ACADS: variants seen among roughly 807,000 people sequenced by gnomAD.
ACADS encodes the protein acyl-CoA dehydrogenase short chain.
In ACADS, 28 loss-of-function variants were observed where a neutral mutation model predicts 46.8. That is an observed-to-expected ratio of 0.60 (90% CI 0.44 to 0.82). The LOEUF is 0.82. Among genes scored for constraint, ACADS ranks in the 40% least tolerant of loss-of-function variants. The pLI, the probability that ACADS is intolerant of heterozygous loss-of-function variation, is 0.00. For synonymous variants in ACADS, 236 were observed against 237.7 expected (o/e 0.99, Z 0.07); for missense variants, 528 against 578.0 (o/e 0.91, Z 0.89).
rs558224056 is a variant in ACADS, at chr12:120,738,039, C to T, written c.624+51C>T. 1.6e-5 allele frequency: 26 copies of T among 1,610,972 alleles called. No individual in the cohort carries two copies. The Admixed American group carries it at 2.2e-4, about 13-fold the overall frequency. ...GCCGGATCCTGGGCTGCTGTCATTT[C>T]TGTTTCTAGGGCCTTCTCTCCTTGG... On this transcript the variant is annotated intron_variant, in intron 5 of 9. Transcript: ENST00000242592.
chr12:120,738,747 G>T, intron 7 of ACADS, 73 bp from the exon 8 acceptor site: 3 of 1,610,590 alleles, frequency 1.9e-6, no homozygotes, highest in Non-Finnish European at 2.5e-6. Flanking sequence ...ACTGCTCTCC[G>T]TCCTCCTCCC....
In ACADS at chr12:120,739,696, G is replaced by A; in HGVS notation, c.*248G>A. The A allele has an allele frequency of 1.8e-6, 1 of 568,652 alleles. No homozygotes were observed. The highest frequency in any genetic ancestry group is 3.1e-6 in the Non-Finnish European group (1 of 319,014). The allele number at this position is 568,652 out of a possible 1,614,324, so 35.2% of individuals were successfully genotyped here. A position where few individuals can be genotyped will look rare whatever the true frequency, so the allele number is the denominator to read the frequency against. Reference sequence around the variant, plus strand: ...TCATCTAAGTGGCCCTGGCCTCCTGGGGGCGGGGTTGTGGGGGGGCTGAGC... The same window carrying A: ...TCATCTAAGTGGCCCTGGCCTCCTGAGGGCGGGGTTGTGGGGGGGCTGAGC... On this transcript the variant is annotated 3_prime_UTR_variant, in exon 10 of 10. Transcript: ENST00000242592.
chr12:120,727,788 G>A (rs1345119907), intron 2 of ACADS, among the ~76,000 whole-genome samples: 5 of 152,012 alleles, frequency 3.3e-5, no homozygotes, highest in African/African-American at 4.8e-5. Context: ...TGCCCACCTC[G>A]GCCTCCCAAA....
intron 2 of ACADS, among the ~76,000 whole-genome samples, chr12:120,736,024 C>CGTCCCT (rs200960176): frequency 1.4e-5 from 2 of 146,068 alleles, no homozygotes; most frequent in Non-Finnish European, 3.0e-5. Context: ...TCCCTGTCCC[C>CGTCCCT]GTCCCTGTCC....
chr12:120,730,453 C>CGGCGCTGTGTAGGGAGGA (rs2136942062), intron 2 of ACADS, among the ~76,000 whole-genome samples: 1 of 152,160 alleles, frequency 6.6e-6, no homozygotes, highest in South Asian at 2.1e-4. Context: ...CAGAGGGAGG[C>CGGCGCTGTGTAGGGAGGA]GGCGCTGTGT....
Position 120,737,348 on chromosome 12 carries a change from CCTCCTAGTCT to C in ACADS, c.361-4_366del. Reference sequence around the variant, plus strand: ...GGGGCCTCCGACCGCTCCCCGCTGTCCTCCTAGTCTCTCTACCTGGGGCCCATCTTGAAGT... The same window carrying C: ...GGGGCCTCCGACCGCTCCCCGCTGTCCTCTACCTGGGGCCCATCTTGAAGT... On this transcript the variant is annotated splice_acceptor_variant and splice_polypyrimidine_tract_variant and coding_sequence_variant and intron_variant, in exon 4 of 10. Transcript: ENST00000242592. LOFTEE classifies it high-confidence loss of function. The C allele has an allele frequency of 6.2e-7, 1 of 1,613,228 alleles. No homozygotes were observed.
intron 2 of ACADS, among the ~76,000 whole-genome samples, chr12:120,734,217 T>C (rs1883357209): frequency 6.6e-6 from 1 of 152,210 alleles, no homozygotes; most frequent in African/African-American, 2.4e-5. Flanking sequence ...GCAAAGTCCC[T>C]ATTGCCACGG....
chr12:120,729,449 G>T, intron 2 of ACADS, among the ~76,000 whole-genome samples: 1 of 151,798 alleles, frequency 6.6e-6, no homozygotes, highest in Non-Finnish European at 1.5e-5. Flanking sequence ...GTAGAGATGG[G>T]GTTTCACCAT....
In ACADS at chr12:120,736,720, T is replaced by C. The variant is rs1317853072; in HGVS notation, c.211-266T>C. On this transcript the variant is annotated intron_variant, in intron 2 of 9. Transcript: ENST00000242592. ...TTCCCTGAAAGCATCCTGTGCCTTC[T>C]GCTTGCTCGCTGCCGTGGCTGTGGA... Among the ~76,000 whole-genome samples the C allele has an allele frequency of 2.6e-5, 4 of 152,308 alleles. No individual in the cohort carries two copies. In the East Asian group the frequency reaches 7.7e-4, roughly 29 times the overall value.
rs2239686 is a variant in ACADS at position 120,737,418 on chromosome 12, G to A, written c.423G>A (p.Thr141=). ...AGGAGCAGAAGCAGGCGTGGGTCAC[G>A]CCTTTCACCAGTGGTGACAAAATTG... The part of the protein sequence containing the change: ...GSKEQKQAWV[T]PFTSGDKIGC... Residue 141 remains threonine (T), a synonymous_variant, in exon 4 of 10, where the codon ACG becomes ACA. Coordinates refer to ENST00000242592, the MANE Select transcript of ACADS (RefSeq NM_000017.4). 4.0e-3 allele frequency: 6,485 copies of A among 1,614,164 alleles called. 443 individuals are homozygous for A. The East Asian group carries it at 0.13, about 34-fold the overall frequency.
At chr12:120,735,579 T>A (rs1000573160) in intron 2 of ACADS, among the ~76,000 whole-genome samples, 6 of 152,006 alleles carry the variant, frequency 3.9e-5, no homozygotes, top group Admixed American at 6.6e-5. Context: ...AACATTCTTA[T>A]TAGTTTATGT....
chr12:120,738,415 C>T lies in ACADS; in HGVS notation c.760C>T (p.Leu254=). 6.2e-7 allele frequency: 1 copy of T among 1,613,046 alleles called. No homozygotes were observed. Among genetic ancestry groups the T allele is most frequent in the South Asian group, 1.1e-5 (1 of 91,092 alleles). Residue 254 remains leucine, a synonymous_variant, in exon 6 of 10, where the codon CTG becomes TTG. Coordinates refer to ENST00000242592, the MANE Select transcript of ACADS (RefSeq NM_000017.4). ...EDCRIPKDSI[L]GEPGMGFKIA... ...CTGTCGCATCCCCAAGGACAGCATC[C>T]TGGGGGAGCCAGGGATGGGCTTCAA...
chr12:120,726,003 CCGGCTCTGTCAGAGCCGCTGGCAGG>C, intron 1 of ACADS, 72 bp downstream of exon 1: 2 of 1,432,462 alleles, frequency 1.4e-6, no homozygotes, highest in Non-Finnish European at 1.8e-6. Flanking sequence ...GTCCTGGCGG[CCGGCTCTGTCAGAGCCGCTGGCAGG>C]CGGAGCCCCA....
rs1429363733 is a variant in ACADS, at chr12:120,734,226, G to A, written c.211-2760G>A. Reference sequence around the variant, plus strand: ...ACGTGTGCAAAGTCCCTATTGCCACGGAAGGGAACATACTCCTGGGACCTG... The same window carrying A: ...ACGTGTGCAAAGTCCCTATTGCCACAGAAGGGAACATACTCCTGGGACCTG... On this transcript the variant is annotated intron_variant, in intron 2 of 9. Transcript: ENST00000242592. Among the ~76,000 whole-genome samples the A allele has an allele frequency of 5.3e-5, 8 of 152,172 alleles. No homozygotes were observed. The South Asian group carries it at 8.3e-4, about 16-fold the overall frequency.
At chr12:120,735,759 C>A (rs1210577672) in intron 2 of ACADS, among the ~76,000 whole-genome samples, 5 of 151,516 alleles carry the variant, frequency 3.3e-5, no homozygotes, top group African/African-American at 1.2e-4. Flanking sequence ...ATTAGCTGGG[C>A]GTGATTATGG....
chr12:120,739,762 G>C lies in ACADS; in HGVS notation c.*314G>C. On this transcript the variant is annotated 3_prime_UTR_variant, in exon 10 of 10. Coordinates refer to ENST00000242592, the MANE Select transcript of ACADS (RefSeq NM_000017.4). ...CTCAGTTGTCCTCCCGCGGGCCCTG[G>C]TGCCCTGGCATGAAGGCCCAGTGCG... The C allele has an allele frequency of 2.4e-6, 1 of 423,746 alleles. No homozygotes were observed. The allele number at this position is 423,746 out of a possible 1,614,324, so 26.2% of individuals were successfully genotyped here.
intron 1 of ACADS, among the ~76,000 whole-genome samples, chr12:120,726,605 G>A (rs1047892313): frequency 6.6e-6 from 1 of 152,228 alleles, no homozygotes; most frequent in Non-Finnish European, 1.5e-5. Context: ...GCCTCCACTT[G>A]TTATAGAAAC....
intron 2 of ACADS, among the ~76,000 whole-genome samples, chr12:120,736,377 GCA>G (rs1196690895): frequency 1.3e-5 from 2 of 152,162 alleles, no homozygotes; most frequent in African/African-American, 4.8e-5. Context: ...GTGAGCAAGA[GCA>G]CACACAGTCT....
In ACADS at chr12:120,737,427, C is replaced by T; in HGVS notation, c.432C>T (p.Thr144=). ...AGCAGGCGTGGGTCACGCCTTTCAC[C>T]AGTGGTGACAAAATTGGCTGCTTTG... ...EQKQAWVTPF[T]SGDKIGCFAL... is the part of the protein sequence containing the mutation. The change falls in exon 4 of 10, where the codon ACC becomes ACT. Residue 144 remains threonine, a synonymous_variant. Coordinates refer to ENST00000242592, the MANE Select transcript of ACADS (RefSeq NM_000017.4). 2 of 1,614,158 alleles carry T rather than the reference C, an allele frequency of 1.2e-6. No homozygotes were observed. Among genetic ancestry groups the T allele is most frequent in the Non-Finnish European group, 1.7e-6 (2 of 1,180,010 alleles).
Sources: allele counts gnomAD v4.1 joint callset (sites outside exome capture counted in the v4.1 genomes callset), GRCh38; gene constraint gnomAD v4.1.1; transcripts MANE v1.5; gene names NCBI Gene and HGNC (gene_info 2026-07-23, HGNC 2026-07-21).